RASGRP3: variants seen among roughly 807,000 people sequenced by gnomAD.
The protein encoded by RASGRP3 is ras guanyl-releasing protein 3.
A neutral mutation model predicts 82.7 loss-of-function variants in RASGRP3; 54 were observed. The ratio of observed to expected loss-of-function variants is 0.65; its 90% confidence interval spans 0.52 to 0.82. RASGRP3 has a LOEUF of 0.82. Ranked by LOEUF, RASGRP3 falls within the 40% of genes least tolerant of loss-of-function variation. The pLI, the probability that RASGRP3 is intolerant of heterozygous loss-of-function variation, is 0.00. For missense variants in RASGRP3, 861 were observed against 828.9 expected, an observed-to-expected ratio of 1.04 and a Z score of -0.48; for synonymous variants, 309 against 300.5, an observed-to-expected ratio of 1.03 and a Z score of -0.29.
intron 1 of RASGRP3, among the ~76,000 whole-genome samples, chr2:33,437,347 G>C (rs1664982693): frequency 6.6e-6 from 1 of 152,144 alleles, no homozygotes; most frequent in Non-Finnish European, 1.5e-5. Context: ...AAGCTACTAG[G>C]GACATTCCAA....
intron 2 of RASGRP3, among the ~76,000 whole-genome samples, chr2:33,455,055 G>C (rs1665968743): frequency 6.6e-6 from 1 of 152,172 alleles, no homozygotes; most frequent in Non-Finnish European, 1.5e-5. Flanking sequence ...GGTGATGGAG[G>C]AGAGTGGGAA....
chr2:33,468,024 C>A (rs571843955), intron 2 of RASGRP3, among the ~76,000 whole-genome samples: 51 of 127,598 alleles, frequency 4.0e-4, no homozygotes, highest in African/African-American at 2.1e-3. Context: ...TTCTTTCTTT[C>A]TTTCTTTCTT....
At chr2:33,505,962 C>G (rs1439290936) in intron 1 of RASGRP3, among the ~76,000 whole-genome samples, 1 of 152,208 alleles carries the variant, frequency 6.6e-6, no homozygotes, top group Non-Finnish European at 1.5e-5. Context: ...TCTTGTTCAA[C>G]TTATGTCAGG....
At chr2:33,465,382 A>G (rs916995416) in intron 2 of RASGRP3, among the ~76,000 whole-genome samples, 7 of 152,204 alleles carry the variant, frequency 4.6e-5, no homozygotes, top group African/African-American at 1.7e-4. Flanking sequence ...GGCTTAAGGA[A>G]TAACACTATC....
At chr2:33,507,449 G>T (rs1279961717) in intron 1 of RASGRP3, among the ~76,000 whole-genome samples, 1 of 152,178 alleles carries the variant, frequency 6.6e-6, no homozygotes, top group East Asian at 1.9e-4. Flanking sequence ...GCCTAGTGGG[G>T]AAGGTGGGGA....
At chr2:33,547,298 C>A (rs1363775561) in intron 13 of RASGRP3, among the ~76,000 whole-genome samples, 1 of 137,420 alleles carries the variant, frequency 7.3e-6, no homozygotes, top group Non-Finnish European at 1.5e-5. Context: ...CTGTTAGGTG[C>A]TAGGCTGTGC....
intron 17 of RASGRP3, among the ~76,000 whole-genome samples, chr2:33,561,549 G>GA (rs200216927): frequency 1.5e-4 from 22 of 150,664 alleles, no homozygotes; most frequent in East Asian, 5.8e-4. Flanking sequence ...AGGAAGAAGG[G>GA]AAAAAAAATG....
chr2:33,527,085 G>T (rs10189430), intron 9 of RASGRP3, 52 bp from the exon 10 acceptor site: 268,360 of 1,586,530 alleles, frequency 0.17, 24,910 homozygotes, highest in Admixed American at 0.21. Flanking sequence ...GGGCCCGGGG[G>T]TGTGCAGGAG....
At chr2:33,456,759 C>G (rs1666061882) in intron 2 of RASGRP3, among the ~76,000 whole-genome samples, 1 of 152,164 alleles carries the variant, frequency 6.6e-6, no homozygotes. Context: ...AATTCACACA[C>G]AGGCATAACT....
At position 33,524,429 on chromosome 2, in the gene RASGRP3, C is replaced by G; in HGVS notation, c.691-3C>G. On this transcript the variant is annotated splice_polypyrimidine_tract_variant and splice_region_variant and intron_variant, in intron 8 of 17. Coordinates refer to ENST00000403687, the MANE Select transcript of RASGRP3 (RefSeq NM_001139488.2). ...AAAAAGCATTGATGCATTTTTATTG[C>G]AGAAGCTCCTTCAGCTCAAAAATTT... The G allele has an allele frequency of 2.6e-6, 4 of 1,562,286 alleles. No individual in the cohort carries two copies. The highest frequency in any genetic ancestry group is 3.5e-6 in the Non-Finnish European group (4 of 1,150,568).
At chr2:33,462,558 A>G (rs1461404099) in intron 2 of RASGRP3, among the ~76,000 whole-genome samples, 2 of 152,000 alleles carry the variant, frequency 1.3e-5, no homozygotes, top group Admixed American at 1.3e-4. Flanking sequence ...TTGTATTTTT[A>G]GTAGAGATGG....
intron 2 of RASGRP3, among the ~76,000 whole-genome samples, chr2:33,454,885 G>A (rs767043619): frequency 3.9e-5 from 6 of 152,206 alleles, no homozygotes; most frequent in Non-Finnish European, 7.3e-5. Flanking sequence ...AAAATTTGGG[G>A]AAGGGAGTCA....
At chr2:33,456,582 A>G (rs1483150321) in intron 2 of RASGRP3, among the ~76,000 whole-genome samples, 2 of 152,168 alleles carry the variant, frequency 1.3e-5, no homozygotes, top group Non-Finnish European at 2.9e-5. Flanking sequence ...ATTCCTGTTG[A>G]AAATTTTAGT....
chr2:33,480,200 G>A (rs1187317300), intron 1 of RASGRP3, among the ~76,000 whole-genome samples: 1 of 151,860 alleles, frequency 6.6e-6, no homozygotes, highest in Non-Finnish European at 1.5e-5. Context: ...CCGCCACCAT[G>A]CCCGGCTAAT....
intron 13 of RASGRP3, among the ~76,000 whole-genome samples, chr2:33,544,943 C>G (rs776382140): frequency 1.3e-5 from 2 of 151,294 alleles, no homozygotes; most frequent in Non-Finnish European, 2.9e-5. Context: ...CATTATATAC[C>G]CAGAACAAAG....
rs771052774 is a variant in RASGRP3 at position 33,537,320 on chromosome 2, A to ACACACCACC, written c.1162-1773_1162-1772insACACCACCC. 5.4e-4 allele frequency among the ~76,000 whole-genome samples: 18 copies of ACACACCACC among 33,334 alleles called. 2 individuals are homozygous for ACACACCACC. The East Asian group carries it at 5.6e-3, about 10-fold the overall frequency. The allele number at this position is 33,334 out of a possible 152,430, so 21.9% of individuals were successfully genotyped here. Reference sequence around the variant, plus strand: ...GTCTCTAAAATACACACACACACACACCGCCCCCCCCACACACACACACAA... The same window carrying ACACACCACC: ...GTCTCTAAAATACACACACACACACACACACCACCCCGCCCCCCCCACACACACACACAA... On this transcript the variant is annotated intron_variant, in intron 11 of 17. Transcript: ENST00000403687.
chr2:33,483,864 T>G (rs1204509036), intron 1 of RASGRP3, among the ~76,000 whole-genome samples: 1 of 152,188 alleles, frequency 6.6e-6, no homozygotes, highest in African/African-American at 2.4e-5. Flanking sequence ...TGTATGCAGT[T>G]TTAATTGCTT....
intron 14 of RASGRP3, 129 bp downstream of exon 14, chr2:33,549,880 C>A: frequency 8.5e-7 from 1 of 1,171,784 alleles, no homozygotes; most frequent in South Asian, 1.8e-5. Flanking sequence ...TGATGGCTCC[C>A]TGAAATTGAA....
intron 4 of RASGRP3, 102 bp downstream of exon 4, chr2:33,516,746 CT>C: frequency 1.3e-6 from 1 of 776,784 alleles, no homozygotes; most frequent in Middle Eastern, 3.4e-4. Flanking sequence ...AATAAATAGT[CT>C]TTGGTTATCC....
Sources: allele counts gnomAD v4.1 joint callset (sites outside exome capture counted in the v4.1 genomes callset), GRCh38; gene constraint gnomAD v4.1.1; transcripts MANE v1.5; gene names NCBI Gene and HGNC (gene_info 2026-07-23, HGNC 2026-07-21).